INSR: variants seen among roughly 807,000 people sequenced by gnomAD.
The protein encoded by INSR is IR.
Under a neutral mutation model 142.6 loss-of-function variants are expected in INSR, and 67 were observed. That is an observed-to-expected ratio of 0.47 (90% CI 0.39 to 0.58). The LOEUF (loss-of-function observed/expected upper bound fraction) is 0.58. INSR is among the 20% of genes least tolerant of loss of function. INSR has a pLI of 0.00. For missense variants in INSR, 1,248 were observed against 1,833.2 expected, an observed-to-expected ratio of 0.68 and a Z score of 5.83; for synonymous variants, 756 against 743.1, an observed-to-expected ratio of 1.02 and a Z score of -0.28.
intron 2 of INSR, among the ~76,000 whole-genome samples, chr19:7,200,017 G>A (rs373146054): frequency 2.6e-5 from 4 of 152,202 alleles, no homozygotes; most frequent in South Asian, 4.1e-4. Flanking sequence ...TGAATCACTC[G>A]GGCTATGTTC....
chr19:7,188,227 T>C (rs1029541827), intron 2 of INSR, among the ~76,000 whole-genome samples: 2 of 152,102 alleles, frequency 1.3e-5, no homozygotes, highest in African/African-American at 4.8e-5. Flanking sequence ...CATTACATTT[T>C]CCTTATGGCA....
chr19:7,218,986 A>G (rs1371206039), intron 2 of INSR, among the ~76,000 whole-genome samples: 1 of 152,220 alleles, frequency 6.6e-6, no homozygotes, highest in Non-Finnish European at 1.5e-5. Context: ...CAAGGGTCCC[A>G]TGTCAGAGAA....
chr19:7,249,660 C>T (rs1185708738), intron 2 of INSR, among the ~76,000 whole-genome samples: 1 of 151,636 alleles, frequency 6.6e-6, no homozygotes, highest in African/African-American at 2.4e-5. Context: ...CCAGCCTGGG[C>T]AATATAGTGA....
At chr19:7,182,372 G>C (rs1302196386) in intron 3 of INSR, among the ~76,000 whole-genome samples, 2 of 151,930 alleles carry the variant, frequency 1.3e-5, no homozygotes, top group East Asian at 3.9e-4. Context: ...AATTGGCCAG[G>C]CTTGCTGCCT....
intron 2 of INSR, among the ~76,000 whole-genome samples, chr19:7,203,316 G>A (rs1396931116): frequency 2.0e-5 from 3 of 152,042 alleles, no homozygotes; most frequent in African/African-American, 4.8e-5. Context: ...CCCTGAAAAC[G>A]CCTCGCGCCT....
intron 2 of INSR, among the ~76,000 whole-genome samples, chr19:7,249,837 A>C (rs1976654340): frequency 6.6e-6 from 1 of 151,994 alleles, no homozygotes; most frequent in South Asian, 2.1e-4. Flanking sequence ...CTAAAAATAC[A>C]AAAAATTAGC....
chr19:7,140,136 T>A (rs1489251532), intron 13 of INSR, among the ~76,000 whole-genome samples: 4 of 152,188 alleles, frequency 2.6e-5, no homozygotes, highest in Admixed American at 2.6e-4. Context: ...TAGAATTAGA[T>A]CTCAATTGTA....
chr19:7,177,053 C>T (rs1265527001), intron 3 of INSR, among the ~76,000 whole-genome samples: 1 of 152,120 alleles, frequency 6.6e-6, no homozygotes, highest in African/African-American at 2.4e-5. Context: ...CAGCCTGCAG[C>T]CTGATGCCAT....
At chr19:7,270,316 TTC>T (rs371690798) in intron 1 of INSR, among the ~76,000 whole-genome samples, 2,516 of 128,230 alleles carry the variant, frequency 0.02, 44 homozygotes, top group Middle Eastern at 0.038. Flanking sequence ...TATATTTCAT[TTC>T]TCTCTCTCTC....
chr19:7,120,496 C>T (rs999754344), intron 20 of INSR, 124 bp downstream of exon 20: 36 of 1,145,538 alleles, frequency 3.1e-5, no homozygotes, highest in African/African-American at 2.6e-4. Flanking sequence ...TAAGACAGGA[C>T]GCTGCCTTCC....
intron 4 of INSR, among the ~76,000 whole-genome samples, chr19:7,174,128 TA>T (rs915429364): frequency 2.5e-3 from 342 of 135,888 alleles, no homozygotes; most frequent in Admixed American, 2.7e-3. Context: ...GGAAAAAAAT[TA>T]AAAAAAAAAA....
At chr19:7,246,054 C>T (rs1426842096) in intron 2 of INSR, among the ~76,000 whole-genome samples, 1 of 152,058 alleles carries the variant, frequency 6.6e-6, no homozygotes, top group Non-Finnish European at 1.5e-5. Context: ...AATTGAGCTC[C>T]AAATTCTGAT....
chr19:7,239,851 A>G (rs1976285969), intron 2 of INSR, among the ~76,000 whole-genome samples: 1 of 152,228 alleles, frequency 6.6e-6, no homozygotes, highest in South Asian at 2.1e-4. Context: ...TTGGCTTAAG[A>G]ACTCATGCAG....
Position 7,198,175 on chromosome 19 carries a change from C to T in INSR, c.653-13538G>A, listed in dbSNP as rs568011821. 6.6e-5 allele frequency among the ~76,000 whole-genome samples: 10 copies of T among 151,870 alleles called. No individual in the cohort carries two copies. The South Asian group carries it at 1.9e-3, about 28-fold the overall frequency. On this transcript the variant is annotated intron_variant, in intron 2 of 21. Coordinates refer to ENST00000302850, the MANE Select transcript of INSR (RefSeq NM_000208.4). ...ACAAAGCCCGGGGCGCACTCCGCTC[C>T]GGGGAATCCGGCCCCGGCGGTTGCG...
In INSR at chr19:7,184,649, G is replaced by GAA; in HGVS notation, c.653-13_653-12insTT. 6.7e-7 allele frequency: 1 copy of GAA among 1,498,532 alleles called. No individual in the cohort carries two copies. The allele number at this position is 1,498,532 out of a possible 1,614,324, so 92.8% of individuals were successfully genotyped here. A position where few individuals can be genotyped will look rare whatever the true frequency, so the allele number is the denominator to read the frequency against. ...GATGGTCGGGCAAACTGGAGAGAGAGAGAGAGAGAGAGGGAAATAAATAAA... is the reference window on the plus strand; with the variant it reads ...GATGGTCGGGCAAACTGGAGAGAGAGAAAGAGAGAGAGAGGGAAATAAATAAA... On this transcript the variant is annotated splice_polypyrimidine_tract_variant and intron_variant, in intron 2 of 21. Transcript: ENST00000302850.
chr19:7,202,587 C>T (rs989472492), intron 2 of INSR, among the ~76,000 whole-genome samples: 17 of 152,050 alleles, frequency 1.1e-4, no homozygotes, highest in African/African-American at 4.1e-4. Context: ...GCAACCTCTG[C>T]CCCCGGGGTT....
At chr19:7,278,761 A>G (rs1439460177) in intron 1 of INSR, among the ~76,000 whole-genome samples, 2 of 152,200 alleles carry the variant, frequency 1.3e-5, no homozygotes, top group African/African-American at 4.8e-5. Flanking sequence ...TGGGAGGCTG[A>G]GGTGGGAGGA....
rs569780172 is a variant in INSR at position 7,144,975 on chromosome 19, C to T, written c.2268-1885G>A. On this transcript the variant is annotated intron_variant, in intron 11 of 21. Coordinates refer to ENST00000302850, the MANE Select transcript of INSR (RefSeq NM_000208.4). Reference sequence around the variant, plus strand: ...TTTTTTTCTTTCTATGTTTGTTTGTCTAGATCTTTAACCCAAGAGATTAAA... The same window carrying T: ...TTTTTTTCTTTCTATGTTTGTTTGTTTAGATCTTTAACCCAAGAGATTAAA... 7.9e-5 allele frequency among the ~76,000 whole-genome samples: 12 copies of T among 151,684 alleles called. No homozygotes were observed. The South Asian group carries it at 1.0e-3, about 13-fold the overall frequency.
chr19:7,131,964 C>T (rs1972793210), intron 14 of INSR, among the ~76,000 whole-genome samples, 194 bp downstream of exon 14: 1 of 150,624 alleles, frequency 6.6e-6, no homozygotes, highest in Non-Finnish European at 1.5e-5. Flanking sequence ...TGCCAGTGCA[C>T]TCCAAAGCAA....
Sources: allele counts gnomAD v4.1 joint callset (sites outside exome capture counted in the v4.1 genomes callset), GRCh38; gene constraint gnomAD v4.1.1; transcripts MANE v1.5; gene names NCBI Gene and HGNC (gene_info 2026-07-23, HGNC 2026-07-21).